Variants in ARMH4 observed in about 807,000 individuals in gnomAD.
ARMH4 encodes armadillo like helical domain containing 4.
A neutral mutation model predicts 61.9 loss-of-function variants in ARMH4; 49 were observed. The ratio of observed to expected loss-of-function variants is 0.79; its 90% CI spans 0.63 to 1.00. The LOEUF is 1.00. ARMH4 is among the 50% of genes least tolerant of loss of function. The probability of loss-of-function intolerance (pLI) is 0.00; values close to 1 mark genes in which losing one functional copy is unlikely to be tolerated. For missense variants in ARMH4, 934 were observed against 930.0 expected, an observed-to-expected ratio of 1.00 and a Z score of -0.06; for synonymous variants, 368 against 341.5, an observed-to-expected ratio of 1.08 and a Z score of -0.85.
chr14:58,102,103 T>A (rs1886002589), intron 4 of ARMH4, among the ~76,000 whole-genome samples: 2 of 152,132 alleles, frequency 1.3e-5, no homozygotes, highest in Non-Finnish European at 2.9e-5. Context: ...TGTGTGAAGA[T>A]GTAAATTCTC....
At chr14:58,086,373 C>G (rs1885379591) in intron 5 of ARMH4, among the ~76,000 whole-genome samples, 1 of 152,142 alleles carries the variant, frequency 6.6e-6, no homozygotes, top group Non-Finnish European at 1.5e-5. Flanking sequence ...TAGTGGATTA[C>G]TAAAGACTCT....
At chr14:58,030,953 T>C (rs1883209257) in intron 5 of ARMH4, among the ~76,000 whole-genome samples, 1 of 152,174 alleles carries the variant, frequency 6.6e-6, no homozygotes, top group Non-Finnish European at 1.5e-5. Context: ...CAAATATCTA[T>C]CTGTGACTCT....
At chr14:58,097,881 A>G (rs1885812507) in intron 4 of ARMH4, among the ~76,000 whole-genome samples, 1 of 151,922 alleles carries the variant, frequency 6.6e-6, no homozygotes, top group Non-Finnish European at 1.5e-5. Flanking sequence ...ACAAGCTGTC[A>G]TTTTCAATGC....
chr14:58,029,328 G>A (rs1272960276), intron 5 of ARMH4, among the ~76,000 whole-genome samples: 1 of 151,996 alleles, frequency 6.6e-6, no homozygotes, highest in Non-Finnish European at 1.5e-5. Flanking sequence ...CCGCCCCCCA[G>A]GTTCAAGCGA....
chr14:58,009,568 TG>T (rs961763205), intron 6 of ARMH4, among the ~76,000 whole-genome samples: 2 of 152,034 alleles, frequency 1.3e-5, no homozygotes, highest in African/African-American at 4.8e-5. Context: ...CCCAGCACTT[TG>T]GGAGGCCGAG....
At chr14:58,081,636 G>A (rs1370116453) in intron 5 of ARMH4, among the ~76,000 whole-genome samples, 1 of 151,992 alleles carries the variant, frequency 6.6e-6, no homozygotes, top group Non-Finnish European at 1.5e-5. Context: ...AAGTAGCTGG[G>A]ACTACAGGCA....
chr14:58,113,489 G>A (rs2141290836), intron 4 of ARMH4, among the ~76,000 whole-genome samples: 1 of 152,106 alleles, frequency 6.6e-6, no homozygotes, highest in East Asian at 1.9e-4. Flanking sequence ...TATTTATCTT[G>A]TGTGATACAT....
In ARMH4 at chr14:58,053,397, T is replaced by C. The variant is rs1884211467; in HGVS notation, c.2090-41247A>G. ...TCTTGCAGGGTTTGGTCCCTGTTGG[T>C]TCACCAGCCCCCAGTGCACTTCCTG... is the stretch of plus-strand genomic sequence containing the variant. On this transcript the variant is annotated intron_variant, in intron 5 of 7. Coordinates refer to ENST00000267485, the MANE Select transcript of ARMH4 (RefSeq NM_001001872.4). Among the ~76,000 whole-genome samples, 5 of 152,186 alleles carry C rather than the reference T, an allele frequency of 3.3e-5. 1 individual carries two copies. The South Asian group carries it at 1.0e-3, about 31-fold the overall frequency.
chr14:58,031,875 C>A lies in ARMH4; in HGVS notation c.2090-19725G>T, dbSNP rs1883247018. Among the ~76,000 whole-genome samples, 3 of 152,200 alleles carry A rather than the reference C, an allele frequency of 2.0e-5. No homozygotes were observed. In the South Asian group the frequency reaches 6.2e-4, roughly 31 times the overall value. ...AGTACCACAAGGGTGTCTCCAGTTTCTTTCCAAGCAACATTTTGAAAGGCA... is the reference window on the plus strand; with the variant it reads ...AGTACCACAAGGGTGTCTCCAGTTTATTTCCAAGCAACATTTTGAAAGGCA... On this transcript the variant is annotated intron_variant, in intron 5 of 7. Transcript: ENST00000267485.
rs1274021234 is a variant in ARMH4, at chr14:58,139,309, A to T, written c.50T>A (p.Leu17Gln). 6.2e-7 allele frequency: 1 copy of T among 1,614,254 alleles called. No individual in the cohort carries two copies. The change falls in exon 2 of 8, where the codon CTG (leucine) becomes CAG (glutamine). Residue 17 changes from leucine to glutamine, a missense_variant. By Grantham distance (113) the Leu-to-Gln change is moderately radical. Coordinates refer to ENST00000267485, the MANE Select transcript of ARMH4 (RefSeq NM_001001872.4). ...ACATTGTGTGGCAACGCTGAAAAGC[A>T]GAAGGCTACAGAAAGCCAGACAAAT... ...LHICLAFCSLLLFSVATQCLA... is the reference protein window; with the variant it reads ...LHICLAFCSLQLFSVATQCLA...
At chr14:58,034,177 A>G (rs1208255631) in intron 5 of ARMH4, among the ~76,000 whole-genome samples, 21 of 137,668 alleles carry the variant, frequency 1.5e-4, no homozygotes, top group African/African-American at 5.2e-4. Flanking sequence ...CCCTCAAAGG[A>G]AAGCCCATCA....
At chr14:58,087,970 C>T (rs1004409919) in intron 5 of ARMH4, among the ~76,000 whole-genome samples, 7 of 152,146 alleles carry the variant, frequency 4.6e-5, no homozygotes, top group African/African-American at 1.7e-4. Flanking sequence ...CTCTTTCTGA[C>T]TTTTGGTTCT....
At position 58,083,508 on chromosome 14, in the gene ARMH4, G is replaced by A. The variant is rs140654889; in HGVS notation, c.2089+13216C>T. 3.2e-3 allele frequency among the ~76,000 whole-genome samples: 484 copies of A among 152,240 alleles called. 13 individuals are homozygous for A. The East Asian group carries it at 0.081, about 25-fold the overall frequency. ...TGAGGCAGGAGAATTGCTTGAACTC[G>A]GGAGGCAGAGGTTGCAGTGAGCTGA... is the stretch of plus-strand genomic sequence containing the variant. On this transcript the variant is annotated intron_variant, in intron 5 of 7. Coordinates refer to ENST00000267485, the MANE Select transcript of ARMH4 (RefSeq NM_001001872.4).
At chr14:58,100,223 G>A (rs975863152) in intron 4 of ARMH4, among the ~76,000 whole-genome samples, 5 of 152,318 alleles carry the variant, frequency 3.3e-5, no homozygotes, top group Middle Eastern at 3.4e-3. Flanking sequence ...TTGGTGGTTT[G>A]AGGTGAGAGG....
intron 5 of ARMH4, among the ~76,000 whole-genome samples, chr14:58,050,883 G>A (rs1274274402): frequency 2.6e-5 from 4 of 152,048 alleles, no homozygotes; most frequent in African/African-American, 9.7e-5. Flanking sequence ...GCCAGATAGA[G>A]TGTCTGGCAT....
At chr14:58,070,687 G>A (rs1884855672) in intron 5 of ARMH4, among the ~76,000 whole-genome samples, 1 of 152,108 alleles carries the variant, frequency 6.6e-6, no homozygotes, top group Admixed American at 6.6e-5. Context: ...ATCCCCTCAA[G>A]CTTTTATCCT....
chr14:58,151,306 C>G (rs1445458665), intron 1 of ARMH4, among the ~76,000 whole-genome samples: 2 of 152,160 alleles, frequency 1.3e-5, no homozygotes, highest in Non-Finnish European at 2.9e-5. Context: ...TGTTTGGAAT[C>G]TACACAAGTC....
At chr14:58,032,496 T>C (rs1214125818) in intron 5 of ARMH4, among the ~76,000 whole-genome samples, 1 of 152,062 alleles carries the variant, frequency 6.6e-6, no homozygotes, top group Non-Finnish European at 1.5e-5. Flanking sequence ...TAAAATAAAA[T>C]ACATAGAAAA....
At chr14:58,073,203 G>A (rs1368911711) in intron 5 of ARMH4, among the ~76,000 whole-genome samples, 4 of 152,060 alleles carry the variant, frequency 2.6e-5, no homozygotes, top group African/African-American at 9.7e-5. Flanking sequence ...ATGATGAGAA[G>A]AAGAAAAGAA....
Sources: gnomAD v4.1 joint callset for allele counts (sites outside exome capture counted in the v4.1 genomes callset) on GRCh38, gnomAD v4.1.1 for gene constraint, MANE v1.5 for transcripts, NCBI Gene and HGNC (gene_info 2026-07-23, HGNC 2026-07-21) for gene names.